Variants in WDR75 observed in about 807,000 individuals in gnomAD.
WDR75 encodes WD repeat-containing protein 75.
A neutral mutation model predicts 106.1 loss-of-function variants in WDR75; 52 were observed. That is an observed-to-expected ratio of 0.49 (90% CI 0.39 to 0.62). WDR75 has a LOEUF of 0.62. Ranked by LOEUF, WDR75 falls within the 20% of genes least tolerant of loss-of-function variation. WDR75 has a pLI of 0.00. For synonymous variants in WDR75, 333 were observed against 335.5 expected (o/e 0.99, Z 0.08); for missense variants, 905 against 970.3 (o/e 0.93, Z 0.89).
At chr2:189,454,498 G>A (rs114792716) in intron 4 of WDR75, among the ~76,000 whole-genome samples, 9,719 of 151,614 alleles carry the variant, frequency 0.064, 479 homozygotes, top group African/African-American at 0.14. Context: ...AAATGCACCA[G>A]TAAGATACAA....
intron 6 of WDR75, among the ~76,000 whole-genome samples, chr2:189,457,778 A>G (rs1470405016): frequency 1.3e-5 from 2 of 152,330 alleles, no homozygotes; most frequent in African/African-American, 4.8e-5. Context: ...CTCAATTTAA[A>G]ACATATTTAA....
intron 11 of WDR75, 41 bp from the exon 12 acceptor site, chr2:189,465,038 T>A: frequency 7.2e-7 from 1 of 1,395,108 alleles, no homozygotes; most frequent in East Asian, 2.3e-5. Flanking sequence ...TGTATTTATG[T>A]TAATAAACAT....
intron 2 of WDR75, chr2:189,450,502 T>G (rs1553485095): frequency 1.1e-6 from 1 of 896,318 alleles, no homozygotes; most frequent in Non-Finnish European, 1.4e-6. Flanking sequence ...GGCTAATTTT[T>G]GTAGGGGTTT....
intron 18 of WDR75, among the ~76,000 whole-genome samples, chr2:189,473,347 A>T (rs749463491): frequency 6.6e-6 from 1 of 152,216 alleles, no homozygotes; most frequent in Non-Finnish European, 1.5e-5. Context: ...TTGCCATCTC[A>T]GGTCTGGCAG....
intron 8 of WDR75, among the ~76,000 whole-genome samples, chr2:189,462,080 C>T (rs934478239): frequency 2.0e-5 from 3 of 152,098 alleles, no homozygotes; most frequent in African/African-American, 4.8e-5. Context: ...ACATGATACC[C>T]TTTAATATAT....
chr2:189,446,549 G>T (rs1403502352), intron 1 of WDR75, among the ~76,000 whole-genome samples: 1 of 152,146 alleles, frequency 6.6e-6, no homozygotes, highest in Non-Finnish European at 1.5e-5. Context: ...ATTATAAGAT[G>T]CATTCTAATT....
intron 12 of WDR75, 54 bp from the exon 13 acceptor site, chr2:189,466,371 T>C (rs1004045573): frequency 8.9e-6 from 14 of 1,578,522 alleles, no homozygotes; most frequent in East Asian, 2.2e-5. Context: ...GAAATTCTTA[T>C]ATACATCACT....
At position 189,469,380 on chromosome 2, in the gene WDR75, A is replaced by G. The variant is rs988456623; in HGVS notation, c.1760A>G (p.Glu587Gly). ...WNAKLNVRVM[E>G]PDPNSENIAA... Reference sequence around the variant, plus strand: ...GCAAAATTAAATGTTAGAGTTATGGAACCCGATCCTAATTCAGAGAATATT... The same window carrying G: ...GCAAAATTAAATGTTAGAGTTATGGGACCCGATCCTAATTCAGAGAATATT... Residue 587 changes from glutamate to glycine, a missense_variant, in exon 16 of 21, where the codon GAA becomes GGA. Glu to Gly is a moderately conservative substitution (Grantham distance 98, BLOSUM62 -2). Transcript: ENST00000314761. The G allele has an allele frequency of 1.2e-6, 2 of 1,613,498 alleles. No individual in the cohort carries two copies. The highest frequency in any genetic ancestry group is 2.7e-5 in the African/African-American group (2 of 74,872).
Position 189,449,160 on chromosome 2 carries a change from G to A in WDR75, c.216+652G>A, listed in dbSNP as rs1234030417. The A allele has an allele frequency of 2.5e-5, 25 of 992,918 alleles. No homozygotes were observed. In the East Asian group the frequency reaches 1.2e-3, roughly 48 times the overall value. 61.5% of individuals were successfully genotyped at this position (992,918 alleles called of 1,614,324 possible). A position where few individuals can be genotyped will look rare whatever the true frequency, so the allele number is the denominator to read the frequency against. The stretch of plus-strand genomic sequence containing the variant: ...ATGGTCATGTTAATTCTGTTCTTAA[G>A]TTTCGGCAAATCTACTAAAATTTTA... On this transcript the variant is annotated intron_variant, in intron 2 of 20. Transcript: ENST00000314761.
intron 15 of WDR75, among the ~76,000 whole-genome samples, chr2:189,469,018 T>C (rs1396064757): frequency 1.3e-5 from 2 of 152,306 alleles, no homozygotes; most frequent in East Asian, 3.9e-4. Context: ...TGCTTATAAA[T>C]GAATGTGTAT....
intron 18 of WDR75, among the ~76,000 whole-genome samples, chr2:189,472,754 A>G (rs1687141369): frequency 6.6e-6 from 1 of 152,226 alleles, no homozygotes; most frequent in African/African-American, 2.4e-5. Context: ...GACAGTCTCA[A>G]ATGTCATTAC....
intron 6 of WDR75, among the ~76,000 whole-genome samples, chr2:189,458,181 C>A (rs180938991): frequency 2.0e-5 from 3 of 152,098 alleles, no homozygotes; most frequent in Admixed American, 2.0e-4. Flanking sequence ...CCTCAGCCTC[C>A]GAAAGTGCTG....
At chr2:189,467,716 G>GT in intron 14 of WDR75, 68 bp downstream of exon 14, 1 of 1,428,594 alleles carries the variant, frequency 7.0e-7, no homozygotes, top group Non-Finnish European at 9.3e-7. Context: ...TAAAACTTTA[G>GT]TAGTCATTTA....
Position 189,450,445 on chromosome 2 carries a change from C to T in WDR75, c.217-458C>T. On this transcript the variant is annotated intron_variant, in intron 2 of 20. Coordinates refer to ENST00000314761, the MANE Select transcript of WDR75 (RefSeq NM_032168.3). ...GTGATTGATCTCAGCTCACTGCAAC[C>T]TCAGCCTCCCAAGTAGCTAGGATTA... 1.0e-5 allele frequency: 9 copies of T among 872,938 alleles called. No individual in the cohort carries two copies. The South Asian group carries it at 1.5e-4, about 14-fold the overall frequency. 54.1% of individuals were successfully genotyped at this position (872,938 alleles called of 1,614,324 possible).
At chr2:189,473,038 C>T (rs1246229291) in intron 18 of WDR75, among the ~76,000 whole-genome samples, 3 of 151,806 alleles carry the variant, frequency 2.0e-5, no homozygotes, top group Admixed American at 1.3e-4. Context: ...GCCAACATGG[C>T]AAAACCCCAT....
chr2:189,449,918 C>CA, intron 2 of WDR75: 2 of 983,414 alleles, frequency 2.0e-6, no homozygotes, highest in Non-Finnish European at 1.2e-6. Flanking sequence ...TCTTTGTAAA[C>CA]ATTATAAGCA....
At chr2:189,449,351 G>A (rs1686567540) in intron 2 of WDR75, 2 of 1,294,308 alleles carry the variant, frequency 1.5e-6, no homozygotes, top group Non-Finnish European at 1.0e-6. Flanking sequence ...AAAATTAAAT[G>A]AGCTACTTCT....
rs778424235 is a variant in WDR75, at chr2:189,470,212, T to C, written c.1956T>C (p.Asn652=). 3.7e-6 allele frequency: 6 copies of C among 1,612,550 alleles called. No individual in the cohort carries two copies. Among genetic ancestry groups the C allele is most frequent in the South Asian group, 2.2e-5 (2 of 90,816 alleles). Reference sequence around the variant, plus strand: ...CCTCAGAAGCTTACCAGTGGCTAAATAGATCCCAGTTTTACTTCCTAACAA... The same window carrying C: ...CCTCAGAAGCTTACCAGTGGCTAAACAGATCCCAGTTTTACTTCCTAACAA... The part of the protein sequence containing the change: ...SFTSEAYQWL[N]RSQFYFLTKS... The change falls in exon 17 of 21, where the codon AAT becomes AAC. Residue 652 remains asparagine, a synonymous_variant. Coordinates refer to ENST00000314761, the MANE Select transcript of WDR75 (RefSeq NM_032168.3).
chr2:189,457,168 G>C, intron 5 of WDR75, 143 bp from the exon 6 acceptor site: 1 of 578,604 alleles, frequency 1.7e-6, no homozygotes, highest in Non-Finnish European at 3.1e-6. Context: ...TTGAACTCGG[G>C]AGGCAGAGTT....
Sources: allele counts gnomAD v4.1 joint callset (sites outside exome capture counted in the v4.1 genomes callset), GRCh38; gene constraint gnomAD v4.1.1; transcripts MANE v1.5; gene names NCBI Gene and HGNC (gene_info 2026-07-23, HGNC 2026-07-21).